The following POLQ variants were observed in gnomAD, a reference collection of about 807,000 sequenced individuals.
The protein encoded by POLQ is epididymis secretory sperm binding protein.
POLQ carries 233 observed loss-of-function variants against 259.2 expected under a neutral mutation model. That is an observed-to-expected ratio of 0.90 (90% CI 0.81 to 1.00). The LOEUF is 1.00. POLQ is among the 50% of genes least tolerant of loss of function. POLQ has a pLI of 0.00. For synonymous variants in POLQ, 1,025 were observed against 1,048.8 expected, an observed-to-expected ratio of 0.98 and a Z score of 0.44; for missense variants, 2,871 against 3,051.6, an observed-to-expected ratio of 0.94 and a Z score of 1.39.
In POLQ at chr3:121,436,238, G is replaced by C; in HGVS notation, c.7427C>G (p.Ser2476Ter). ...RQAINTIVQG[S>*]AADIVKIATV... ...GGCTATTTTGACAATATCAGCTGCT[G>C]ATCCTTGGACTATTGTGTTGATAGC... Residue 2476 changes from serine (S) to a stop codon, truncating the protein, a stop_gained, in exon 28 of 30, where the codon TCA (serine) becomes TGA (stop). Coordinates refer to ENST00000264233, the MANE Select transcript of POLQ (RefSeq NM_199420.4). LOFTEE classifies it high-confidence loss of function. 6.2e-7 allele frequency: 1 copy of C among 1,613,806 alleles called. No homozygotes were observed. The highest frequency in any genetic ancestry group is 1.1e-5 in the South Asian group (1 of 91,070).
Position 121,501,661 on chromosome 3 carries a change from C to CAAA in POLQ, c.1960-2994_1960-2992dup, listed in dbSNP as rs60180456. Among the ~76,000 whole-genome samples, 56 of 39,948 alleles carry CAAA rather than the reference C, an allele frequency of 1.4e-3. 1 individual carries two copies. Among genetic ancestry groups the CAAA allele is most frequent in the Admixed American group, 2.4e-3 (5 of 2,126 alleles). The allele number at this position is 39,948 out of a possible 152,430, so 26.2% of individuals were successfully genotyped here. On this transcript the variant is annotated intron_variant, in intron 12 of 29. Transcript: ENST00000264233. ...TGGGCGACAGAGCGAGACTCCGTCT[C>CAAA]AAAAAAAAAAAAAAAAAAAAAAAAA...
At chr3:121,474,383 C>T (rs573997985) in intron 20 of POLQ, among the ~76,000 whole-genome samples, 10 of 152,160 alleles carry the variant, frequency 6.6e-5, no homozygotes, top group Non-Finnish European at 1.0e-4. Context: ...CAGAACTGTG[C>T]TGTGTGGGAG....
chr3:121,506,285 A>AAAAACG (rs1234585957), intron 12 of POLQ, among the ~76,000 whole-genome samples: 1 of 151,758 alleles, frequency 6.6e-6, no homozygotes, highest in Non-Finnish European at 1.5e-5. Flanking sequence ...AAAACAAAAC[A>AAAAACG]AAAACAAAAA....
Position 121,539,315 on chromosome 3 carries a change from C to A in POLQ, c.631+118G>T. 9 of 752,678 alleles carry A rather than the reference C, an allele frequency of 1.2e-5. No individual in the cohort carries two copies. In the South Asian group the frequency reaches 1.5e-4, roughly 13 times the overall value. The allele number at this position is 752,678 out of a possible 1,614,324, so 46.6% of individuals were successfully genotyped here. A position where few individuals can be genotyped will look rare whatever the true frequency, so the allele number is the denominator to read the frequency against. On this transcript the variant is annotated intron_variant, in intron 4 of 29. Coordinates refer to ENST00000264233, the MANE Select transcript of POLQ (RefSeq NM_199420.4). The stretch of plus-strand genomic sequence containing the variant: ...CATTACAGATGCCAATCCTTGCCTC[C>A]AGAAGTAGATAATAGACAATAGGAA...
chr3:121,504,581 C>T (rs982562932), intron 12 of POLQ, among the ~76,000 whole-genome samples: 4 of 152,100 alleles, frequency 2.6e-5, no homozygotes, highest in Non-Finnish European at 4.4e-5. Flanking sequence ...AAAGACATCA[C>T]GAGAAAACAG....
chr3:121,545,842 A>G lies in POLQ; in HGVS notation c.36T>C (p.Arg12=). 1 of 1,613,836 alleles carries G rather than the reference A, an allele frequency of 6.2e-7. No homozygotes were observed. The highest frequency in any genetic ancestry group is 8.5e-7 in the Non-Finnish European group (1 of 1,179,936). The change falls in exon 1 of 30, where the codon CGT becomes CGC. Residue 12 remains arginine (R), a synonymous_variant. Coordinates refer to ENST00000264233, the MANE Select transcript of POLQ (RefSeq NM_199420.4). ...AGAACGAATCTGAGCCTGATTCTGA[A>G]CGCCGCCGTTTCCCACTCCGACGCA... ...NLLRRSGKRR[R]SESGSDSFSG...
chr3:121,500,877 C>T (rs2048161841), intron 12 of POLQ, among the ~76,000 whole-genome samples: 1 of 152,164 alleles, frequency 6.6e-6, no homozygotes. Flanking sequence ...TTCTCACCAG[C>T]AACAAGAAGG....
intron 26 of POLQ, among the ~76,000 whole-genome samples, chr3:121,442,553 C>T (rs2047602195): frequency 1.3e-5 from 2 of 152,194 alleles, no homozygotes; most frequent in Admixed American, 1.3e-4. Context: ...GTTTGTCTTT[C>T]TGTGCCTGGC....
chr3:121,459,543 A>C (rs1287894347), intron 25 of POLQ, among the ~76,000 whole-genome samples: 1 of 151,818 alleles, frequency 6.6e-6, no homozygotes, highest in Non-Finnish European at 1.5e-5. Flanking sequence ...CACCACGGCC[A>C]GCTAAGTTTT....
At chr3:121,531,360 C>T (rs2048410701) in intron 6 of POLQ, among the ~76,000 whole-genome samples, 1 of 151,876 alleles carries the variant, frequency 6.6e-6, no homozygotes, top group African/African-American at 2.4e-5. Context: ...ACTGATGGCC[C>T]TAAGGGGAAA....
At chr3:121,511,226 CAAAAAAAA>C (rs34066876) in intron 10 of POLQ, among the ~76,000 whole-genome samples, 17 of 74,930 alleles carry the variant, frequency 2.3e-4, no homozygotes, top group Admixed American at 5.0e-4. Context: ...ACTCCGTCTC[CAAAAAAAA>C]AAAAAAAAAA....
chr3:121,501,986 T>A, intron 12 of POLQ, among the ~76,000 whole-genome samples: 1 of 135,244 alleles, frequency 7.4e-6, no homozygotes, highest in African/African-American at 2.8e-5. Context: ...TGAGACTCTG[T>A]CTCCAAAAAA....
intron 24 of POLQ, among the ~76,000 whole-genome samples, chr3:121,460,792 A>G (rs1255539942): frequency 6.6e-6 from 1 of 152,248 alleles, no homozygotes; most frequent in Admixed American, 6.5e-5. Flanking sequence ...CAGGTGAGCA[A>G]GTTATTAAAA....
intron 27 of POLQ, among the ~76,000 whole-genome samples, chr3:121,436,833 C>T (rs554210865): frequency 4.6e-5 from 7 of 151,474 alleles, no homozygotes; most frequent in African/African-American, 1.7e-4. Context: ...ATCCTAGATC[C>T]CTGGGTATTC....
intron 27 of POLQ, among the ~76,000 whole-genome samples, chr3:121,439,431 C>T (rs2047570837): frequency 6.6e-6 from 1 of 152,094 alleles, no homozygotes; most frequent in Non-Finnish European, 1.5e-5. Flanking sequence ...GGTGATCTCA[C>T]TATGTTGCCC....
intron 9 of POLQ, among the ~76,000 whole-genome samples, chr3:121,518,877 G>A (rs2048317061): frequency 6.6e-6 from 1 of 151,976 alleles, no homozygotes; most frequent in Admixed American, 6.6e-5. Context: ...GTTCTTCAAT[G>A]TTAGATGGCT....
chr3:121,473,061 T>A (rs928687378), intron 21 of POLQ, among the ~76,000 whole-genome samples: 12 of 152,138 alleles, frequency 7.9e-5, no homozygotes, highest in Admixed American at 6.5e-5. Context: ...CCATCTCCAC[T>A]AAAAATACAA....
At chr3:121,537,629 A>C (rs1157434563) in intron 4 of POLQ, among the ~76,000 whole-genome samples, 10 of 152,144 alleles carry the variant, frequency 6.6e-5, no homozygotes, top group African/African-American at 2.4e-4. Context: ...AAAGGACATG[A>C]TTTCATTCTT....
rs983515996 is a variant in POLQ at position 121,473,580 on chromosome 3, A to G, written c.6406-93T>C. The stretch of plus-strand genomic sequence containing the variant: ...TAAGTTATTTCAGAAAACAATCTCT[A>G]CAGTTCAACATGGATTGAAATAATG... On this transcript the variant is annotated intron_variant, in intron 20 of 29. Transcript: ENST00000264233. 3.8e-6 allele frequency: 4 copies of G among 1,058,516 alleles called. No individual in the cohort carries two copies. In the African/African-American group the frequency reaches 6.3e-5, roughly 17 times the overall value. 65.6% of individuals were successfully genotyped at this position (1,058,516 alleles called of 1,614,324 possible).
Sources: gnomAD v4.1 joint callset for allele counts (sites outside exome capture counted in the v4.1 genomes callset) on GRCh38, gnomAD v4.1.1 for gene constraint, MANE v1.5 for transcripts, NCBI Gene and HGNC (gene_info 2026-07-23, HGNC 2026-07-21) for gene names.